Variants in DHX30 observed in about 807,000 individuals in gnomAD.
DHX30 encodes the protein ATP-dependent RNA helicase DHX30.
In DHX30, 4 loss-of-function variants were observed where a neutral mutation model predicts 116.9. The observed-to-expected ratio is 0.03, with a 90% CI of 0.02 to 0.08. The LOEUF (loss-of-function observed/expected upper bound fraction) is 0.08. Ranked by LOEUF, DHX30 falls within the 10% of genes least tolerant of loss-of-function variation. The pLI is 1.00. For missense variants in DHX30, 871 were observed against 1,595.1 expected (o/e 0.55, Z 7.73); for synonymous variants, 697 against 651.7 (o/e 1.07, Z -1.06).
At chr3:47,808,825 C>T (rs2035650977) in intron 2 of DHX30, among the ~76,000 whole-genome samples, 1 of 151,530 alleles carries the variant, frequency 6.6e-6, no homozygotes, top group African/African-American at 2.4e-5. Context: ...GATCCGCCCA[C>T]CTCAGCCTCC....
At chr3:47,817,708 C>T (rs187907742) in intron 3 of DHX30, among the ~76,000 whole-genome samples, 86 of 152,318 alleles carry the variant, frequency 5.6e-4, no homozygotes, top group Non-Finnish European at 1.0e-3. Flanking sequence ...TCCTGTTGTC[C>T]TGTCACATCC....
At chr3:47,812,466 G>A (rs368572673) in intron 3 of DHX30, among the ~76,000 whole-genome samples, 4 of 149,782 alleles carry the variant, frequency 2.7e-5, no homozygotes, top group Non-Finnish European at 4.4e-5. Context: ...GCTAAGGCAC[G>A]AGAATTGCTT....
chr3:47,807,801 G>T (rs1272724817), intron 2 of DHX30, among the ~76,000 whole-genome samples: 1 of 149,494 alleles, frequency 6.7e-6, no homozygotes, highest in East Asian at 2.0e-4. Flanking sequence ...TCACTGTGTT[G>T]CCTAGGCTGG....
chr3:47,838,603 T>C (rs1444095450), intron 6 of DHX30, among the ~76,000 whole-genome samples: 1 of 152,222 alleles, frequency 6.6e-6, no homozygotes, highest in African/African-American at 2.4e-5. Context: ...TGTCATGAGT[T>C]GGGTGGGATT....
intron 3 of DHX30, among the ~76,000 whole-genome samples, chr3:47,815,723 C>CAAAAAAAAAAAAAAAAAAAAAAAAAAAAA (rs11349970): frequency 4.8e-5 from 1 of 20,756 alleles, no homozygotes; most frequent in Non-Finnish European, 8.1e-5. Context: ...TAAAAAAGAG[C>CAAAAAAAAAAAAAAAAAAAAAAAAAAAAA]AAAAAAAAAA....
chr3:47,818,166 G>C (rs367902945), intron 4 of DHX30, 49 bp downstream of exon 4: 2 of 754,990 alleles, frequency 2.6e-6, no homozygotes, highest in Admixed American at 1.8e-5. Flanking sequence ...AGGGTCTGTG[G>C]GGAGGTGGGT....
chr3:47,835,494 G>T (rs969117648), intron 6 of DHX30, among the ~76,000 whole-genome samples: 3 of 151,232 alleles, frequency 2.0e-5, no homozygotes, highest in Non-Finnish European at 4.4e-5. Context: ...TAGTACAGAT[G>T]GGGTTTCACC....
chr3:47,805,418 A>G lies in DHX30; in HGVS notation c.-30A>G. ...AATCTGAGACTGTCATTGCTTTTATAAGGTAAGTTGATTTAGCCGTGCACA... is the reference window on the plus strand; with the variant it reads ...AATCTGAGACTGTCATTGCTTTTATGAGGTAAGTTGATTTAGCCGTGCACA... On this transcript the variant is annotated splice_region_variant and 5_prime_UTR_variant, in exon 2 of 22. In the 5' UTR this introduces an upstream ATG that the reference lacks. Transcript: ENST00000445061. 1 of 399,082 alleles carries G rather than the reference A, an allele frequency of 2.5e-6. No homozygotes were observed. The highest frequency in any genetic ancestry group is 3.6e-5 in the East Asian group (1 of 28,082). 24.7% of individuals were successfully genotyped at this position (399,082 alleles called of 1,614,324 possible). A position where few individuals can be genotyped will look rare whatever the true frequency, so the allele number is the denominator to read the frequency against.
chr3:47,830,920 C>T (rs1178597968), intron 6 of DHX30: 1 of 152,120 alleles, frequency 6.6e-6, no homozygotes, highest in Non-Finnish European at 1.5e-5. Context: ...CATCTCTGCT[C>T]TGACAAGAAA....
intron 9 of DHX30, 156 bp from the exon 10 acceptor site, chr3:47,845,544 A>T: frequency 1.3e-6 from 1 of 750,614 alleles, no homozygotes; most frequent in Non-Finnish European, 1.9e-6. Context: ...ACATTTTCCT[A>T]GTTCATAATT....
At chr3:47,814,429 C>CAAAAAAAAAA (rs71625837) in intron 3 of DHX30, among the ~76,000 whole-genome samples, 18 of 92,612 alleles carry the variant, frequency 1.9e-4, no homozygotes, top group Non-Finnish European at 2.7e-4. Context: ...TGTCTCAAAA[C>CAAAAAAAAAA]AAAAAAAAAA....
At chr3:47,830,843 C>T (rs1032827699) in intron 6 of DHX30, 1 of 152,564 alleles carries the variant, frequency 6.6e-6, no homozygotes, top group East Asian at 1.9e-4. Flanking sequence ...AGTCCTCCCA[C>T]CTCAGCCTCG....
At chr3:47,825,579 G>A (rs566156862) in intron 4 of DHX30, among the ~76,000 whole-genome samples, 2 of 152,346 alleles carry the variant, frequency 1.3e-5, no homozygotes, top group South Asian at 4.1e-4. Flanking sequence ...CCTCACCAGT[G>A]TGAGAAATAG....
chr3:47,832,828 A>G (rs938401275), intron 6 of DHX30, among the ~76,000 whole-genome samples: 1 of 151,610 alleles, frequency 6.6e-6, no homozygotes, highest in African/African-American at 2.4e-5. Flanking sequence ...TGGTAGAGAC[A>G]GGGTTTTGCC....
intron 4 of DHX30, among the ~76,000 whole-genome samples, chr3:47,826,444 C>CTTT (rs978485673): frequency 1.5e-5 from 2 of 133,956 alleles, no homozygotes; most frequent in African/African-American, 2.7e-5. Context: ...GGTTTTCTTT[C>CTTT]TTTTTTTTTT....
In DHX30 at chr3:47,810,647, T is replaced by G; in HGVS notation, c.-27-10T>G. ...ATTAACCATTGCCTCTTGGCCCTCC[T>G]TGTTCTCAGGATTCCAGCTTTCCCT... On this transcript the variant is annotated splice_polypyrimidine_tract_variant and intron_variant, in intron 2 of 21. Coordinates refer to ENST00000445061, the MANE Select transcript of DHX30 (RefSeq NM_138615.3). The G allele has an allele frequency of 1.9e-6, 3 of 1,613,118 alleles. No homozygotes were observed. Among genetic ancestry groups the G allele is most frequent in the Non-Finnish European group, 2.5e-6 (3 of 1,179,138 alleles).
intron 6 of DHX30, 112 bp from the exon 7 acceptor site, chr3:47,840,765 G>A: frequency 7.2e-7 from 1 of 1,381,790 alleles, no homozygotes; most frequent in Non-Finnish European, 1.0e-6. Flanking sequence ...TGGGTAAACA[G>A]ATGAAAAACC....
intron 6 of DHX30, among the ~76,000 whole-genome samples, chr3:47,833,631 T>C (rs1248046702): frequency 6.6e-6 from 1 of 150,824 alleles, no homozygotes; most frequent in East Asian, 2.0e-4. Flanking sequence ...AGTCTGAGGC[T>C]GGCGGATCAC....
At chr3:47,839,238 A>G (rs987329631) in intron 6 of DHX30, among the ~76,000 whole-genome samples, 2 of 147,172 alleles carry the variant, frequency 1.4e-5, no homozygotes, top group Non-Finnish European at 3.0e-5. Flanking sequence ...ATTTCAAGTT[A>G]TTTCTCTAGA....
Sources: gnomAD v4.1 joint callset for allele counts (sites outside exome capture counted in the v4.1 genomes callset) on GRCh38, gnomAD v4.1.1 for gene constraint, MANE v1.5 for transcripts, NCBI Gene and HGNC (gene_info 2026-07-23, HGNC 2026-07-21) for gene names.